PIK3R5: variants seen among roughly 807,000 people sequenced by gnomAD.
The protein encoded by PIK3R5 is phosphoinositide-3-kinase regulatory subunit 5.
In PIK3R5, 32 loss-of-function variants were observed where a neutral mutation model predicts 94.9. That is an observed-to-expected ratio of 0.34 (90% CI 0.25 to 0.45). PIK3R5 has a LOEUF of 0.45. PIK3R5 is among the 20% of genes least tolerant of loss of function. The pLI, the probability that PIK3R5 is intolerant of heterozygous loss-of-function variation, is 1.00. For synonymous variants in PIK3R5, 443 were observed against 479.4 expected, an observed-to-expected ratio of 0.92 and a Z score of 0.99; for missense variants, 853 against 1,144.6, an observed-to-expected ratio of 0.75 and a Z score of 3.68.
Position 8,955,214 on chromosome 17 carries a change from A to G in PIK3R5, c.-14+10382T>C, listed in dbSNP as rs978633829. Among the ~76,000 whole-genome samples the G allele has an allele frequency of 6.6e-6, 1 of 152,232 alleles. No individual in the cohort carries two copies. Among genetic ancestry groups the G allele is most frequent in the Non-Finnish European group, 1.5e-5 (1 of 68,028 alleles). On this transcript the variant is annotated intron_variant, in intron 1 of 18. Transcript: ENST00000447110. This position sits in a 1 kb window ranked among gnomAD's most constrained non-coding sequence, Gnocchi z 4.4. ...AGCCTGCCCGATCATCAGTCATCCA[A>G]GGCTGAGGCCCGGGCCTCTTCCATG...
At chr17:8,928,947 A>C (rs1474528728) in intron 1 of PIK3R5, among the ~76,000 whole-genome samples, 1 of 152,224 alleles carries the variant, frequency 6.6e-6, no homozygotes, top group Admixed American at 6.5e-5. Flanking sequence ...TATGCTGAGT[A>C]AATATTTAAG....
intron 1 of PIK3R5, among the ~76,000 whole-genome samples, chr17:8,941,862 G>A (rs1248538550): frequency 1.3e-5 from 2 of 152,220 alleles, no homozygotes; most frequent in African/African-American, 4.8e-5. Context: ...TGCAGGCATC[G>A]AGATGCAGGC....
chr17:8,929,882 G>C (rs1282711272), intron 1 of PIK3R5, among the ~76,000 whole-genome samples: 1 of 152,110 alleles, frequency 6.6e-6, no homozygotes, highest in Non-Finnish European at 1.5e-5. Context: ...TCAGATGGTG[G>C]ATCCACTAAA....
chr17:8,912,949 C>T (rs559732361), intron 1 of PIK3R5, among the ~76,000 whole-genome samples: 3 of 152,320 alleles, frequency 2.0e-5, no homozygotes, highest in South Asian at 4.1e-4. Context: ...AAGCGGCACA[C>T]GCACCTTGGT....
chr17:8,891,871 T>C (rs2090033479), intron 6 of PIK3R5, among the ~76,000 whole-genome samples: 1 of 152,100 alleles, frequency 6.6e-6, no homozygotes, highest in South Asian at 2.1e-4. Flanking sequence ...CCCAAAGTGC[T>C]GGGATCACAG....
In PIK3R5 at chr17:8,911,305, C is replaced by T; in HGVS notation, c.103+87G>A. 1 of 1,038,250 alleles carries T rather than the reference C, an allele frequency of 9.6e-7. No individual in the cohort carries two copies. The highest frequency in any genetic ancestry group is 1.5e-6 in the Non-Finnish European group (1 of 686,434). The allele number at this position is 1,038,250 out of a possible 1,614,324, so 64.3% of individuals were successfully genotyped here. On this transcript the variant is annotated intron_variant, in intron 2 of 18. Transcript: ENST00000447110. This position sits in a 1 kb window ranked among gnomAD's most constrained non-coding sequence, Gnocchi z 5.3. ...CAGACAGGGTTTCACCTAGAATTTG[C>T]CAGTTTCCATGCCTGGTCCAGTGCC... is the stretch of plus-strand genomic sequence containing the variant.
At chr17:8,963,747 G>C (rs1488245819) in intron 1 of PIK3R5, among the ~76,000 whole-genome samples, 2 of 152,060 alleles carry the variant, frequency 1.3e-5, no homozygotes, top group African/African-American at 2.4e-5. Context: ...GGCAGAGACT[G>C]TCTGCTTCTA....
chr17:8,925,085 GTGGATAGATAGAAAGTAGA>G lies in PIK3R5; in HGVS notation c.-13-13597_-13-13579del, dbSNP rs1389662996. Among the ~76,000 whole-genome samples the G allele has an allele frequency of 3.6e-3, 549 of 151,548 alleles. 1 individual carries two copies. The highest frequency in any genetic ancestry group is 4.8e-3 in the Non-Finnish European group (323 of 67,984). The stretch of plus-strand genomic sequence containing the variant: ...AGATGGATAGATGGATAGATAGATA[GTGGATAGATAGAAAGTAGA>G]TGGATAGATAGATAGTAGATGGATA... On this transcript the variant is annotated intron_variant, in intron 1 of 18. Coordinates refer to ENST00000447110, the MANE Select transcript of PIK3R5 (RefSeq NM_001142633.3). This position sits in a 1 kb window ranked among gnomAD's most constrained non-coding sequence, Gnocchi z 5.1.
chr17:8,956,337 G>C (rs995732685), intron 1 of PIK3R5, among the ~76,000 whole-genome samples: 1 of 147,816 alleles, frequency 6.8e-6, no homozygotes, highest in Non-Finnish European at 1.5e-5. Context: ...CTGCCATTGA[G>C]GTCTGAAGAG....
rs563973304 is a variant in PIK3R5, at chr17:8,955,921, G to A, written c.-14+9675C>T. Among the ~76,000 whole-genome samples the A allele has an allele frequency of 2.0e-5, 3 of 152,264 alleles. No individual in the cohort carries two copies. Among genetic ancestry groups the A allele is most frequent in the African/African-American group, 4.8e-5 (2 of 41,548 alleles). On this transcript the variant is annotated intron_variant, in intron 1 of 18. Transcript: ENST00000447110. This position sits in a 1 kb window ranked among gnomAD's most constrained non-coding sequence, Gnocchi z 4.4. ...AATAACCCGCATGTACTTGGAGGCC[G>A]AAGCAGGTAGATCACTTGAGCCCAG...
intron 5 of PIK3R5, among the ~76,000 whole-genome samples, chr17:8,895,828 G>C (rs2090140379): frequency 6.6e-6 from 1 of 152,182 alleles, no homozygotes; most frequent in African/African-American, 2.4e-5. Flanking sequence ...CTGACCCAGA[G>C]AGAGTGATTT....
chr17:8,924,327 C>T (rs1253456246), intron 1 of PIK3R5, among the ~76,000 whole-genome samples: 2 of 151,280 alleles, frequency 1.3e-5, no homozygotes, highest in African/African-American at 4.9e-5. Flanking sequence ...AATCTGCTGG[C>T]TTCAGCCTCC....
At chr17:8,883,176 T>C (rs1184623870) in intron 15 of PIK3R5, among the ~76,000 whole-genome samples, 2 of 152,180 alleles carry the variant, frequency 1.3e-5, no homozygotes, top group Non-Finnish European at 2.9e-5. Context: ...GAGACCAGCC[T>C]GGCCAACGTG....
chr17:8,952,551 A>G (rs149902139), intron 1 of PIK3R5, among the ~76,000 whole-genome samples: 97 of 152,296 alleles, frequency 6.4e-4, no homozygotes, highest in African/African-American at 2.3e-3. Flanking sequence ...GGATTGAGCT[A>G]TTTAAAGGCC....
At chr17:8,943,939 T>C (rs1337605401) in intron 1 of PIK3R5, among the ~76,000 whole-genome samples, 2 of 151,876 alleles carry the variant, frequency 1.3e-5, no homozygotes, top group Admixed American at 1.3e-4. Flanking sequence ...AGTTTTGTTA[T>C]GGTAAACTCG....
At chr17:8,960,887 T>C in intron 1 of PIK3R5, among the ~76,000 whole-genome samples, 1 of 134,690 alleles carries the variant, frequency 7.4e-6, no homozygotes, top group South Asian at 2.6e-4. Context: ...CAACTTCTGC[T>C]GTTGCTGTGC....
chr17:8,879,908 G>T lies in PIK3R5; in HGVS notation c.*731C>A, dbSNP rs1377471404. 6.6e-6 allele frequency: 1 copy of T among 152,144 alleles called. No homozygotes were observed. The allele number at this position is 152,144 out of a possible 1,614,324, so 9.4% of individuals were successfully genotyped here. A position where few individuals can be genotyped will look rare whatever the true frequency, so the allele number is the denominator to read the frequency against. ...GCTTAAAGTTAATTAACTTCCTCTA[G>T]TGATTTAGCTAGAACTGAGCTGCTA... is the stretch of plus-strand genomic sequence containing the variant. On this transcript the variant is annotated 3_prime_UTR_variant, in exon 19 of 19. Transcript: ENST00000447110. The surrounding 1 kb of genome is among the most constrained non-coding windows in gnomAD (Gnocchi z 4.4).
At chr17:8,942,437 C>T (rs2091198739) in intron 1 of PIK3R5, among the ~76,000 whole-genome samples, 1 of 152,152 alleles carries the variant, frequency 6.6e-6, no homozygotes. Context: ...GCCACCTCAC[C>T]CATGCCACAA....
chr17:8,913,582 G>C (rs1052473992), intron 1 of PIK3R5, among the ~76,000 whole-genome samples: 1 of 152,154 alleles, frequency 6.6e-6, no homozygotes, highest in African/African-American at 2.4e-5. Flanking sequence ...CGTGGTGGCA[G>C]GCACCTGTAA....
Sources: allele counts gnomAD v4.1 joint callset (sites outside exome capture counted in the v4.1 genomes callset), GRCh38; gene constraint gnomAD v4.1.1; non-coding constraint Gnocchi (gnomAD v3.1); transcripts MANE v1.5; gene names NCBI Gene and HGNC (gene_info 2026-07-23, HGNC 2026-07-21).